DDX6: variants seen among roughly 807,000 people sequenced by gnomAD.
DDX6 encodes DEAD-box helicase 6.
A neutral mutation model predicts 60.6 loss-of-function variants in DDX6; 7 were observed. The ratio of observed to expected loss-of-function variants is 0.12; its 90% CI spans 0.07 to 0.22. The LOEUF (loss-of-function observed/expected upper bound fraction) is 0.22. DDX6 is among the 10% of genes least tolerant of loss of function. The pLI is 1.00. For missense variants in DDX6, 270 were observed against 589.9 expected, an observed-to-expected ratio of 0.46 and a Z score of 5.62; for synonymous variants, 207 against 201.0, an observed-to-expected ratio of 1.03 and a Z score of -0.25.
chr11:118,782,752 C>A (rs1555164915), intron 2 of DDX6, among the ~76,000 whole-genome samples: 1 of 151,650 alleles, frequency 6.6e-6, no homozygotes, highest in African/African-American at 2.4e-5. Context: ...TCAAGCAATT[C>A]TCCTGCCTCA....
intron 4 of DDX6, among the ~76,000 whole-genome samples, chr11:118,776,141 T>C (rs1258401545): frequency 6.6e-6 from 1 of 152,194 alleles, no homozygotes; most frequent in Non-Finnish European, 1.5e-5. Context: ...AGACTCAGTC[T>C]CTTTAAAACA....
intron 4 of DDX6, among the ~76,000 whole-genome samples, chr11:118,779,119 G>C (rs1337782109): frequency 7.8e-6 from 1 of 127,566 alleles, no homozygotes; most frequent in Non-Finnish European, 1.6e-5. Flanking sequence ...TCAGGCCACT[G>C]AACTCCAGCC....
intron 4 of DDX6, among the ~76,000 whole-genome samples, chr11:118,771,420 A>G (rs1861531202): frequency 6.6e-6 from 1 of 152,216 alleles, no homozygotes; most frequent in Non-Finnish European, 1.5e-5. Flanking sequence ...AACAAAGTAC[A>G]TGTGATAGAC....
chr11:118,754,896 C>A lies in DDX6; in HGVS notation c.1277-9G>T, dbSNP rs529124287. The A allele has an allele frequency of 2.6e-5, 41 of 1,588,364 alleles. 1 individual carries two copies. The Admixed American group carries it at 7.5e-4, about 29-fold the overall frequency. ...AAGATGACCAAAGCGACCTAAAAAA[C>A]ATGCGTTTAAAAATTTTAATGAATA... is the stretch of plus-strand genomic sequence containing the variant. On this transcript the variant is annotated splice_polypyrimidine_tract_variant and intron_variant, in intron 12 of 13. Coordinates refer to ENST00000534980, the MANE Select transcript of DDX6 (RefSeq NM_004397.6).
rs1860744153 is a variant in DDX6 at position 118,751,033 on chromosome 11, A to G, written c.*1072T>C. ...TAATCACTCTAATCCCCTTAATCCC[A>G]GCAACCTTCATCCAAAAAAAAATAT... is the stretch of plus-strand genomic sequence containing the variant. On this transcript the variant is annotated 3_prime_UTR_variant, in exon 14 of 14. Coordinates refer to ENST00000534980, the MANE Select transcript of DDX6 (RefSeq NM_004397.6). 1 of 149,820 alleles carries G rather than the reference A, an allele frequency of 6.7e-6. No homozygotes were observed. The highest frequency in any genetic ancestry group is 1.5e-5 in the Non-Finnish European group (1 of 67,564). The allele number at this position is 149,820 out of a possible 1,614,324, so 9.3% of individuals were successfully genotyped here.
chr11:118,777,698 G>A (rs1190706811), intron 4 of DDX6, among the ~76,000 whole-genome samples: 1 of 152,052 alleles, frequency 6.6e-6, no homozygotes, highest in Admixed American at 6.5e-5. Flanking sequence ...AGACCAGCCT[G>A]GTCTACAGGG....
intron 5 of DDX6, among the ~76,000 whole-genome samples, chr11:118,765,856 G>A (rs1861335331): frequency 1.3e-5 from 2 of 151,964 alleles, no homozygotes. Flanking sequence ...AGGCCAAGGT[G>A]GGTGGATCAC....
Position 118,759,949 on chromosome 11 carries a change from A to C in DDX6, c.837T>G (p.Thr279=). The C allele has an allele frequency of 6.2e-7, 1 of 1,613,792 alleles. No individual in the cohort carries two copies. Among genetic ancestry groups the C allele is most frequent in the Non-Finnish European group, 8.5e-7 (1 of 1,179,812 alleles). The change falls in exon 8 of 14, where the codon ACT becomes ACG. Residue 279 remains threonine (T), a synonymous_variant. Transcript: ENST00000534980. The part of the protein sequence containing the change: ...KNRQILLYSA[T]FPLSVQKFMN... ...TGAACTTCTGTACACTAAGAGGGAA[A>C]GTAGCGGAATATAGTAAAATCTGCC... is the stretch of plus-strand genomic sequence containing the variant.
chr11:118,751,343 G>A lies in DDX6; in HGVS notation c.*762C>T, dbSNP rs1177646668. Reference sequence around the variant, plus strand: ...TGATGTTTTTTATCTACTCAGCCCAGAAGAAATTTTTACTTGGGATTGTTT... The same window carrying A: ...TGATGTTTTTTATCTACTCAGCCCAAAAGAAATTTTTACTTGGGATTGTTT... On this transcript the variant is annotated 3_prime_UTR_variant, in exon 14 of 14. Transcript: ENST00000534980. The A allele has an allele frequency of 6.6e-6, 1 of 151,702 alleles. No homozygotes were observed. The highest frequency in any genetic ancestry group is 2.4e-5 in the African/African-American group (1 of 41,288). 9.4% of individuals were successfully genotyped at this position (151,702 alleles called of 1,614,324 possible).
chr11:118,749,354 GAAAGA>G lies in DDX6; in HGVS notation c.*2746_*2750del, dbSNP rs1860670791. On this transcript the variant is annotated 3_prime_UTR_variant, in exon 14 of 14. Coordinates refer to ENST00000534980, the MANE Select transcript of DDX6 (RefSeq NM_004397.6). ...ATGCTTATTATGAGGGCCCAAAAAA[GAAAGA>G]AAAAAAAAAAAAAAAAAAAAAAGAC... The G allele has an allele frequency of 4.8e-4, 11 of 22,820 alleles. No individual in the cohort carries two copies. In the East Asian group the frequency reaches 0.025, roughly 51 times the overall value. The allele number at this position is 22,820 out of a possible 1,614,324, so 1.4% of individuals were successfully genotyped here.
rs1860618324 is a variant in DDX6 at position 118,747,935 on chromosome 11, A to C, written c.*4170T>G. On this transcript the variant is annotated 3_prime_UTR_variant, in exon 14 of 14. Transcript: ENST00000534980. The stretch of plus-strand genomic sequence containing the variant: ...CCCCCCACTGGAACATCTGCCAATT[A>C]AGAGAAAGCCAATTTTCCCTTCCCC... The C allele has an allele frequency of 7.5e-6, 1 of 133,452 alleles. No individual in the cohort carries two copies. Among genetic ancestry groups the C allele is most frequent in the South Asian group, 2.9e-4 (1 of 3,422 alleles). The allele number at this position is 133,452 out of a possible 1,614,324, so 8.3% of individuals were successfully genotyped here.
At chr11:118,754,593 T>C (rs750528904) in intron 13 of DDX6, 112 bp downstream of exon 13, 4 of 926,100 alleles carry the variant, frequency 4.3e-6, no homozygotes, top group South Asian at 1.7e-5. Context: ...CTAGTGGGTA[T>C]TTTACCCTTT....
chr11:118,762,600 C>T (rs1861213607), intron 7 of DDX6, among the ~76,000 whole-genome samples: 1 of 152,084 alleles, frequency 6.6e-6, no homozygotes, highest in South Asian at 2.1e-4. Context: ...TGATGCCCAG[C>T]ATCATGGGAG....
At chr11:118,759,823 G>T (rs35888235) in intron 8 of DDX6, 99 bp downstream of exon 8, 41,589 of 1,288,010 alleles carry the variant, frequency 0.032, 790 homozygotes, top group Middle Eastern at 0.041. Context: ...GAAATAATTA[G>T]CATAAAGTAT....
At chr11:118,772,387 G>C (rs1377268843) in intron 4 of DDX6, among the ~76,000 whole-genome samples, 2 of 152,090 alleles carry the variant, frequency 1.3e-5, no homozygotes, top group African/African-American at 4.8e-5. Context: ...CTAAGTCAAA[G>C]AAGCCAGTCA....
chr11:118,754,910 T>A, intron 12 of DDX6, 23 bp from the exon 13 acceptor site: 1 of 1,572,832 alleles, frequency 6.4e-7, no homozygotes, highest in Non-Finnish European at 8.6e-7. Context: ...CGTTTAAAAA[T>A]TTTAATGAAT....
chr11:118,779,878 G>A (rs1861830396), intron 3 of DDX6, 142 bp from the exon 4 acceptor site: 5 of 581,592 alleles, frequency 8.6e-6, no homozygotes, highest in Non-Finnish European at 1.5e-5. Context: ...CACTTTGGGA[G>A]GCCAAGGCGG....
At chr11:118,763,375 A>G in intron 6 of DDX6, 69 bp from the exon 7 acceptor site, 1 of 1,186,934 alleles carries the variant, frequency 8.4e-7, no homozygotes, top group Middle Eastern at 2.0e-4. Flanking sequence ...AAGGTTTATA[A>G]TATTACAGTC....
chr11:118,775,295 G>A (rs1461314386), intron 4 of DDX6, among the ~76,000 whole-genome samples: 6 of 152,108 alleles, frequency 3.9e-5, no homozygotes, highest in African/African-American at 9.7e-5. Context: ...CAGCCTGAGC[G>A]ACAGAGCAAA....
Sources: allele counts gnomAD v4.1 joint callset (sites outside exome capture counted in the v4.1 genomes callset), GRCh38; gene constraint gnomAD v4.1.1; transcripts MANE v1.5; gene names NCBI Gene and HGNC (gene_info 2026-07-23, HGNC 2026-07-21).